Variants in ZNF558 observed in about 807,000 individuals in gnomAD.
The protein encoded by ZNF558 is zinc finger protein 558.
Under a neutral mutation model 37.6 loss-of-function variants are expected in ZNF558, and 23 were observed. That is an observed-to-expected ratio of 0.61 (90% CI 0.44 to 0.87). ZNF558 has a LOEUF of 0.87. Ranked by LOEUF, ZNF558 falls within the 40% of genes least tolerant of loss-of-function variation. ZNF558 has a pLI of 0.00. For missense variants in ZNF558, 429 were observed against 483.7 expected (o/e 0.89, Z 1.06); for synonymous variants, 189 against 174.4 (o/e 1.08, Z -0.66).
upstream of ZNF558, among the ~76,000 whole-genome samples, chr19:8,835,160 T>C (rs2044441865): frequency 6.6e-6 from 1 of 152,030 alleles, no homozygotes. Flanking sequence ...CAAGCGATTC[T>C]CCTGCCTCAG....
intron 9 of ZNF558, 137 bp from the exon 10 acceptor site, chr19:8,812,200 G>T: frequency 1.2e-6 from 1 of 824,406 alleles, no homozygotes; most frequent in Non-Finnish European, 1.8e-6. Flanking sequence ...GGTTGTATGT[G>T]ATTTCTGCCC....
In ZNF558 at chr19:8,807,788, A is replaced by G. The variant is rs1555766470; in HGVS notation, c.*3493T>C. The stretch of plus-strand genomic sequence containing the variant: ...AATACCATATTTTCTTGATTTTTCT[A>G]TAATCTGTTCCTCCTCCATTAGGTG... On this transcript the variant is annotated 3_prime_UTR_variant, in exon 10 of 10. Transcript: ENST00000601372. The G allele has an allele frequency of 6.6e-6, 1 of 151,986 alleles. No homozygotes were observed. Among genetic ancestry groups the G allele is most frequent in the East Asian group, 1.9e-4 (1 of 5,190 alleles). The allele number at this position is 151,986 out of a possible 1,614,324, so 9.4% of individuals were successfully genotyped here.
Position 8,809,212 on chromosome 19 carries a change from AAAG to A in ZNF558, c.*2066_*2068del, listed in dbSNP as rs1198343082. ...CTTTGGTTTCTGTCATTGTGGTCAA[AAAG>A]AAGCTCTTCAAACTCTAGACCTTGA... On this transcript the variant is annotated 3_prime_UTR_variant, in exon 10 of 10. Coordinates refer to ENST00000601372, the MANE Select transcript of ZNF558 (RefSeq NM_144693.3). 3 of 152,226 alleles carry A rather than the reference AAAG, an allele frequency of 2.0e-5. No individual in the cohort carries two copies. The highest frequency in any genetic ancestry group is 1.9e-4 in the East Asian group (1 of 5,198). The allele number at this position is 152,226 out of a possible 1,614,324, so 9.4% of individuals were successfully genotyped here.
intron 7 of ZNF558, among the ~76,000 whole-genome samples, chr19:8,814,475 T>C (rs986500155): frequency 2.0e-5 from 3 of 152,166 alleles, no homozygotes; most frequent in African/African-American, 4.8e-5. Context: ...CCGAAAAGCC[T>C]GAAAGGAAAA....
chr19:8,827,363 C>G (rs1396983676), intron 2 of ZNF558, among the ~76,000 whole-genome samples: 1 of 152,058 alleles, frequency 6.6e-6, no homozygotes, highest in African/African-American at 2.4e-5. Context: ...TACCTCCAAA[C>G]ACCCCCTCTT....
intron 7 of ZNF558, among the ~76,000 whole-genome samples, chr19:8,816,501 G>A (rs896516318): frequency 7.9e-5 from 12 of 152,108 alleles, no homozygotes; most frequent in African/African-American, 2.9e-4. Flanking sequence ...AAACCACCAA[G>A]CGCTGGAGTG....
intron 7 of ZNF558, among the ~76,000 whole-genome samples, chr19:8,816,111 C>T (rs571591001): frequency 6.6e-5 from 10 of 152,210 alleles, no homozygotes; most frequent in South Asian, 2.1e-4. Flanking sequence ...CTGTCACCCA[C>T]GCTGGAGTGC....
At position 8,822,532 on chromosome 19, in the gene ZNF558, G is replaced by T; in HGVS notation, c.31+97C>A. On this transcript the variant is annotated intron_variant, in intron 5 of 9. Transcript: ENST00000601372. This position sits in a 1 kb window ranked among gnomAD's most constrained non-coding sequence, Gnocchi z 4.4. ...TCTGGGCCCCTGGGGCTCCACTCCT[G>T]CCTCACCTGCTCTGCCCAACCCCGC... 6.4e-7 allele frequency: 1 copy of T among 1,568,746 alleles called. No homozygotes were observed. Among genetic ancestry groups the T allele is most frequent in the Non-Finnish European group, 8.8e-7 (1 of 1,142,752 alleles).
chr19:8,806,506 C>A lies in ZNF558; in HGVS notation c.*4775G>T, dbSNP rs1466341774. On this transcript the variant is annotated 3_prime_UTR_variant, in exon 10 of 10. Coordinates refer to ENST00000601372, the MANE Select transcript of ZNF558 (RefSeq NM_144693.3). Reference sequence around the variant, plus strand: ...GTGAGGTCAAAGGATCGAGACCATCCTGGCCAACATGGTGAAACCCTGTCT... The same window carrying A: ...GTGAGGTCAAAGGATCGAGACCATCATGGCCAACATGGTGAAACCCTGTCT... 1.3e-5 allele frequency: 2 copies of A among 152,218 alleles called. No homozygotes were observed. The highest frequency in any genetic ancestry group is 2.4e-5 in the African/African-American group (1 of 41,440). The allele number at this position is 152,218 out of a possible 1,614,324, so 9.4% of individuals were successfully genotyped here. A position where few individuals can be genotyped will look rare whatever the true frequency, so the allele number is the denominator to read the frequency against.
chr19:8,836,499 C>CT (rs899808976), upstream of ZNF558, among the ~76,000 whole-genome samples: 42 of 138,666 alleles, frequency 3.0e-4, no homozygotes, highest in African/African-American at 9.5e-4. Flanking sequence ...CTTCTTTTTT[C>CT]TTTTTTTTTG....
intron 4 of ZNF558, among the ~76,000 whole-genome samples, chr19:8,823,366 TGCCTC>T (rs2044145031): frequency 1.9e-5 from 1 of 52,700 alleles, no homozygotes; most frequent in South Asian, 6.8e-4. Context: ...ACCCCCCTCC[TGCCTC>T]AGTCAACCCC....
In ZNF558 at chr19:8,810,643, G is replaced by A. The variant is rs948658017; in HGVS notation, c.*638C>T. 3 of 152,238 alleles carry A rather than the reference G, an allele frequency of 2.0e-5. No individual in the cohort carries two copies. Among genetic ancestry groups the A allele is most frequent in the East Asian group, 1.9e-4 (1 of 5,194 alleles). The allele number at this position is 152,238 out of a possible 1,614,324, so 9.4% of individuals were successfully genotyped here. A position where few individuals can be genotyped will look rare whatever the true frequency, so the allele number is the denominator to read the frequency against. ...TTAGAGTAGAAGGATGATGTGCTGA[G>A]GGCTTTTCTTCATTAATTCCATGGC... On this transcript the variant is annotated 3_prime_UTR_variant, in exon 10 of 10. Coordinates refer to ENST00000601372, the MANE Select transcript of ZNF558 (RefSeq NM_144693.3).
upstream of ZNF558, among the ~76,000 whole-genome samples, chr19:8,834,492 C>T (rs1342039820): frequency 6.6e-6 from 1 of 151,884 alleles, no homozygotes; most frequent in Admixed American, 6.6e-5. Context: ...CCTATAGTCC[C>T]AGCTACTCGG....
At chr19:8,820,600 G>GCCT (rs2044059715) in intron 7 of ZNF558, among the ~76,000 whole-genome samples, 1 of 76,902 alleles carries the variant, frequency 1.3e-5, no homozygotes, top group Admixed American at 1.3e-4. Context: ...TCCTGCCTCA[G>GCCT]CCTCCTGACT....
the ZNF558 span, among the ~76,000 whole-genome samples, chr19:8,837,344 G>A: frequency 4.0e-4 from 61 of 152,252 alleles, no homozygotes; most frequent in Admixed American, 9.8e-4. Context: ...TGGTGTAGCC[G>A]TATGAAATGA....
chr19:8,817,466 G>C (rs2043967090), intron 7 of ZNF558, among the ~76,000 whole-genome samples: 1 of 151,746 alleles, frequency 6.6e-6, no homozygotes. Context: ...TAATGTAAGT[G>C]TTCTGAGCAT....
Position 8,812,034 on chromosome 19 carries a change from A to G in ZNF558, c.456T>C (p.Asn152=). Residue 152 remains asparagine (N), a synonymous_variant, in exon 10 of 10, where the codon AAT becomes AAC. Coordinates refer to ENST00000601372, the MANE Select transcript of ZNF558 (RefSeq NM_144693.3). ...TERSHRGVKL[N]ECNQCFKVFS... is the part of the protein sequence containing the mutation. Reference sequence around the variant, plus strand: ...AGACTTTAAAACACTGATTACATTCATTGAGTTTCACTCCACGATGACTTC... The same window carrying G: ...AGACTTTAAAACACTGATTACATTCGTTGAGTTTCACTCCACGATGACTTC... 1 of 1,600,614 alleles carries G rather than the reference A, an allele frequency of 6.2e-7. No homozygotes were observed. Among genetic ancestry groups the G allele is most frequent in the African/African-American group, 1.3e-5 (1 of 74,594 alleles).
intron 7 of ZNF558, among the ~76,000 whole-genome samples, chr19:8,820,245 A>G (rs756290843): frequency 2.0e-5 from 3 of 152,166 alleles, no homozygotes; most frequent in Admixed American, 6.5e-5. Context: ...CTAAACACAG[A>G]CCTAGCCTTC....
At chr19:8,823,356 AC>A (rs1029042578) in intron 4 of ZNF558, among the ~76,000 whole-genome samples, 10 of 113,078 alleles carry the variant, frequency 8.8e-5, no homozygotes, top group African/African-American at 3.5e-4. Context: ...TGCCTCGGTC[AC>A]CCCCCTCCTG....
Sources: gnomAD v4.1 joint callset for allele counts (sites outside exome capture counted in the v4.1 genomes callset) on GRCh38, gnomAD v4.1.1 for gene constraint, Gnocchi (gnomAD v3.1) non-coding constraint, MANE v1.5 for transcripts, NCBI Gene and HGNC (gene_info 2026-07-23, HGNC 2026-07-21) for gene names.